Variants in CALM3 observed in about 807,000 individuals in gnomAD.
CALM3 encodes calmodulin 3.
CALM3 carries 5 observed loss-of-function variants against 20.1 expected under a neutral mutation model. That is an observed-to-expected ratio of 0.25 (90% CI 0.13 to 0.52). The LOEUF (loss-of-function observed/expected upper bound fraction) is 0.52, where lower values mean the gene tolerates loss of function less well. Ranked by LOEUF, CALM3 falls within the 20% of genes least tolerant of loss-of-function variation. The probability of loss-of-function intolerance (pLI) is 0.96; values close to 1 mark genes in which losing one functional copy is unlikely to be tolerated. For synonymous variants in CALM3, 69 were observed against 68.1 expected, an observed-to-expected ratio of 1.01 and a Z score of -0.06; for missense variants, 57 against 192.8, an observed-to-expected ratio of 0.30 and a Z score of 4.17.
chr19:46,609,164 G>A lies in CALM3; in HGVS notation c.*11G>A, dbSNP rs1186310161. ...ATGACTGCAAAGTGAAGGCCCCCCG[G>A]GCAGCTGGCGATGCCCGTTCTCTTG... On this transcript the variant is annotated 3_prime_UTR_variant, in exon 6 of 6. Coordinates refer to ENST00000291295, the MANE Select transcript of CALM3 (RefSeq NM_005184.4). 1.2e-6 allele frequency: 2 copies of A among 1,613,734 alleles called. No homozygotes were observed. Among genetic ancestry groups the A allele is most frequent in the East Asian group, 2.2e-5 (1 of 44,866 alleles).
intron 1 of CALM3, chr19:46,602,254 G>A: frequency 1.5e-6 from 2 of 1,323,242 alleles, no homozygotes; most frequent in Non-Finnish European, 2.0e-6. Flanking sequence ...GGGACCCTTG[G>A]GGTTAATTTG....
In CALM3 at chr19:46,610,633, C is replaced by A. The variant is rs1341953441; in HGVS notation, c.*1480C>A. Reference sequence around the variant, plus strand: ...GCATAGTGGGAGACCCAGCCAAGAGCTGAGGGTAAGGGCAGGTAGGCGTGA... The same window carrying A: ...GCATAGTGGGAGACCCAGCCAAGAGATGAGGGTAAGGGCAGGTAGGCGTGA... On this transcript the variant is annotated 3_prime_UTR_variant, in exon 6 of 6. Transcript: ENST00000291295. 2 of 152,594 alleles carry A rather than the reference C, an allele frequency of 1.3e-5. No homozygotes were observed. Among genetic ancestry groups the A allele is most frequent in the Non-Finnish European group, 2.9e-5 (2 of 68,068 alleles). 9.5% of individuals were successfully genotyped at this position (152,594 alleles called of 1,614,324 possible). A position where few individuals can be genotyped will look rare whatever the true frequency, so the allele number is the denominator to read the frequency against.
rs887205902 is a variant in CALM3 at position 46,610,482 on chromosome 19, C to G, written c.*1329C>G. 27 of 143,456 alleles carry G rather than the reference C, an allele frequency of 1.9e-4. No individual in the cohort carries two copies. The highest frequency in any genetic ancestry group is 6.7e-4 in the African/African-American group (26 of 38,738). The allele number at this position is 143,456 out of a possible 1,614,324, so 8.9% of individuals were successfully genotyped here. A position where few individuals can be genotyped will look rare whatever the true frequency, so the allele number is the denominator to read the frequency against. Reference sequence around the variant, plus strand: ...TCCCCCCACCACCTCCCCACCCCACCCCCCACCCCCTGCTTCCCCTCACTG... The same window carrying G: ...TCCCCCCACCACCTCCCCACCCCACGCCCCACCCCCTGCTTCCCCTCACTG... On this transcript the variant is annotated 3_prime_UTR_variant, in exon 6 of 6. Transcript: ENST00000291295.
Position 46,608,416 on chromosome 19 carries a change from A to T in CALM3, c.179-66A>T. ...ACTGCAGGGAGCCTCTCTCAGGGTG[A>T]TGGATGAGCCCGTGTCTCTCAGGGC... is the stretch of plus-strand genomic sequence containing the variant. On this transcript the variant is annotated intron_variant, in intron 3 of 5. Coordinates refer to ENST00000291295, the MANE Select transcript of CALM3 (RefSeq NM_005184.4). The surrounding 1 kb of genome is among the most constrained non-coding windows in gnomAD (Gnocchi z 5.5). 1 of 1,609,590 alleles carries T rather than the reference A, an allele frequency of 6.2e-7. No homozygotes were observed. The highest frequency in any genetic ancestry group is 8.5e-7 in the Non-Finnish European group (1 of 1,176,074).
intron 1 of CALM3, among the ~76,000 whole-genome samples, chr19:46,603,462 T>C (rs1568663103): frequency 6.6e-6 from 1 of 152,234 alleles, no homozygotes; most frequent in Non-Finnish European, 1.5e-5. Context: ...TGATCTCATC[T>C]AACACTGCTC....
intron 2 of CALM3, chr19:46,606,138 G>A (rs375340678): frequency 7.7e-6 from 3 of 387,570 alleles, no homozygotes; most frequent in South Asian, 5.6e-5. Context: ...AGTGGCTGCA[G>A]GACGAGCCCA....
chr19:46,607,467 C>T (rs1971765803), intron 2 of CALM3, among the ~76,000 whole-genome samples: 1 of 152,204 alleles, frequency 6.6e-6, no homozygotes. Flanking sequence ...AGGGCAAGAG[C>T]CATGTGCTTT....
At chr19:46,602,290 T>G in intron 1 of CALM3, 4 of 1,084,866 alleles carry the variant, frequency 3.7e-6, no homozygotes, top group African/African-American at 1.6e-5. Context: ...GGTTCCGAGG[T>G]TACTAGTGGG....
chr19:46,608,914 C>G lies in CALM3; in HGVS notation c.354C>G (p.Thr118=). ...HVMTNLGEKL[T]DEEVDEMIRE... ...TGACGAACCTGGGGGAGAAGCTGAC[C>G]GATGAGGAGGTGGATGAGATGATCA... The change falls in exon 5 of 6, where the codon ACC becomes ACG. Residue 118 remains threonine (T), a synonymous_variant. Coordinates refer to ENST00000291295, the MANE Select transcript of CALM3 (RefSeq NM_005184.4). The surrounding 1 kb of genome is among the most constrained non-coding windows in gnomAD (Gnocchi z 5.5). 6.2e-7 allele frequency: 1 copy of G among 1,608,898 alleles called. No individual in the cohort carries two copies. Among genetic ancestry groups the G allele is most frequent in the African/African-American group, 1.3e-5 (1 of 74,918 alleles).
At chr19:46,601,118 G>A, upstream of CALM3, 1 of 804,514 alleles carries the variant, frequency 1.2e-6, no homozygotes, top group Admixed American at 2.8e-5. This position sits in a 1 kb window ranked among gnomAD's most constrained non-coding sequence, Gnocchi z 4.2. Context: ...GCGCGCGCGC[G>A]CCCGGCGGCA....
chr19:46,608,757 T>C lies in CALM3; in HGVS notation c.286-89T>C, dbSNP rs919011076. 1 of 1,424,438 alleles carries C rather than the reference T, an allele frequency of 7.0e-7. No individual in the cohort carries two copies. The highest frequency in any genetic ancestry group is 9.5e-7 in the Non-Finnish European group (1 of 1,054,872). The allele number at this position is 1,424,438 out of a possible 1,614,324, so 88.2% of individuals were successfully genotyped here. A position where few individuals can be genotyped will look rare whatever the true frequency, so the allele number is the denominator to read the frequency against. On this transcript the variant is annotated intron_variant, in intron 4 of 5. Coordinates refer to ENST00000291295, the MANE Select transcript of CALM3 (RefSeq NM_005184.4). This position sits in a 1 kb window ranked among gnomAD's most constrained non-coding sequence, Gnocchi z 5.5. The stretch of plus-strand genomic sequence containing the variant: ...CAGCCTCCCTCACTGTGCTCACTGC[T>C]GAGGGATGGTGATGACAGCCACCCC...
intron 1 of CALM3, among the ~76,000 whole-genome samples, chr19:46,604,389 AC>A (rs1319130528): frequency 6.7e-6 from 1 of 150,076 alleles, no homozygotes; most frequent in East Asian, 2.0e-4. Flanking sequence ...TGGCCTCCCC[AC>A]CTCCCCTTTA....
chr19:46,602,193 A>C (rs1405061299), intron 1 of CALM3: 2 of 1,355,036 alleles, frequency 1.5e-6, no homozygotes, highest in African/African-American at 1.5e-5. Context: ...AGGGTCGTGG[A>C]GGTGGTGAAA....
rs1186926133 is a variant in CALM3 at position 46,608,429 on chromosome 19, T to C, written c.179-53T>C. On this transcript the variant is annotated intron_variant, in intron 3 of 5. Transcript: ENST00000291295. The surrounding 1 kb of genome is among the most constrained non-coding windows in gnomAD (Gnocchi z 5.5). ...TCTCTCAGGGTGATGGATGAGCCCG[T>C]GTCTCTCAGGGCCCAGGCCAAGAGC... 13 of 1,607,206 alleles carry C rather than the reference T, an allele frequency of 8.1e-6. No individual in the cohort carries two copies. The highest frequency in any genetic ancestry group is 1.3e-5 in the African/African-American group (1 of 74,874).
At chr19:46,607,042 T>G (rs1971757296) in intron 2 of CALM3, among the ~76,000 whole-genome samples, 1 of 152,070 alleles carries the variant, frequency 6.6e-6, no homozygotes, top group Admixed American at 6.6e-5. Context: ...AGCTTCAAAA[T>G]TTTGGCCCTG....
chr19:46,602,153 T>G, intron 1 of CALM3: 1 of 1,341,898 alleles, frequency 7.5e-7, no homozygotes, highest in Non-Finnish European at 9.9e-7. Context: ...TAGAAGATAC[T>G]CTTGAAGGCT....
intron 2 of CALM3, among the ~76,000 whole-genome samples, chr19:46,607,501 C>T (rs1295308422): frequency 1.3e-5 from 2 of 152,226 alleles, no homozygotes; most frequent in Non-Finnish European, 2.9e-5. Flanking sequence ...GATGCGGCCC[C>T]AGCTGTGGCC....
chr19:46,609,463 C>G lies in CALM3; in HGVS notation c.*310C>G, dbSNP rs553459886. Reference sequence around the variant, plus strand: ...CCCCTTGGGGAGCCTCTGCCCTCCTCCAGCCCGGATGGCTCTCCTCCATTT... The same window carrying G: ...CCCCTTGGGGAGCCTCTGCCCTCCTGCAGCCCGGATGGCTCTCCTCCATTT... On this transcript the variant is annotated 3_prime_UTR_variant, in exon 6 of 6. Transcript: ENST00000291295. 4.4e-6 allele frequency: 2 copies of G among 457,586 alleles called. No homozygotes were observed. The highest frequency in any genetic ancestry group is 7.8e-6 in the Non-Finnish European group (2 of 256,366). The allele number at this position is 457,586 out of a possible 1,614,324, so 28.3% of individuals were successfully genotyped here. A position where few individuals can be genotyped will look rare whatever the true frequency, so the allele number is the denominator to read the frequency against.
intron 1 of CALM3, among the ~76,000 whole-genome samples, chr19:46,603,078 C>T (rs1217754836): frequency 6.6e-6 from 1 of 152,230 alleles, no homozygotes; most frequent in African/African-American, 2.4e-5. Flanking sequence ...TTTCCTACTC[C>T]CTGCCACCCA....
Sources: allele counts gnomAD v4.1 joint callset (sites outside exome capture counted in the v4.1 genomes callset), GRCh38; gene constraint gnomAD v4.1.1; non-coding constraint Gnocchi (gnomAD v3.1); transcripts MANE v1.5; gene names NCBI Gene and HGNC (gene_info 2026-07-23, HGNC 2026-07-21).